Variants in TAFA2 observed in about 807,000 individuals in gnomAD.
TAFA2 encodes chemokine-like protein TAFA-2.
A neutral mutation model predicts 18.8 loss-of-function variants in TAFA2; 7 were observed. That is an observed-to-expected ratio of 0.37 (90% CI 0.21 to 0.70). The LOEUF is 0.70. Among genes scored for constraint, TAFA2 ranks in the 30% least tolerant of loss-of-function variants. The pLI is 0.53. For synonymous variants in TAFA2, 60 were observed against 54.2 expected, an observed-to-expected ratio of 1.11 and a Z score of -0.47; for missense variants, 122 against 158.1, an observed-to-expected ratio of 0.77 and a Z score of 1.23.
At chr12:62,078,681 TTAGC>T (rs1868274907) in intron 1 of TAFA2, among the ~76,000 whole-genome samples, 1 of 152,232 alleles carries the variant, frequency 6.6e-6, no homozygotes, top group East Asian at 1.9e-4. Flanking sequence ...TGACAAGAGC[TTAGC>T]CCTTTGGGGA....
intron 1 of TAFA2, among the ~76,000 whole-genome samples, chr12:61,898,917 G>A (rs907632128): frequency 6.6e-6 from 1 of 151,270 alleles, no homozygotes; most frequent in Non-Finnish European, 1.5e-5. Flanking sequence ...TTTTCCAAAC[G>A]TTTTATGCTC....
chr12:61,849,107 G>A (rs1367127001), intron 2 of TAFA2, among the ~76,000 whole-genome samples: 1 of 152,142 alleles, frequency 6.6e-6, no homozygotes, highest in South Asian at 2.1e-4. Flanking sequence ...GCCTTCCAGA[G>A]TGCTGGAATT....
chr12:61,989,779 T>G (rs1565707366), intron 1 of TAFA2, among the ~76,000 whole-genome samples: 1 of 152,114 alleles, frequency 6.6e-6, no homozygotes, highest in African/African-American at 2.4e-5. Flanking sequence ...CTAAAATAAA[T>G]AGAGAGAGGG....
rs199888245 is a variant in TAFA2 at position 61,778,726 on chromosome 12, T to C, written c.107-23702A>G. On this transcript the variant is annotated intron_variant, in intron 2 of 4. Coordinates refer to ENST00000416284, the MANE Select transcript of TAFA2 (RefSeq NM_178539.5). ...GTTTGAGCTCCGGCTCTCTCACTTA[T>C]TAGCTGTGCTCTTGAACAAATTATG... 2.3e-4 allele frequency among the ~76,000 whole-genome samples: 35 copies of C among 152,030 alleles called. No homozygotes were observed. In the East Asian group the frequency reaches 6.8e-3, roughly 30 times the overall value.
At chr12:61,965,709 A>G (rs1392872602) in intron 1 of TAFA2, among the ~76,000 whole-genome samples, 1 of 151,908 alleles carries the variant, frequency 6.6e-6, no homozygotes, top group Admixed American at 6.6e-5. Flanking sequence ...GTACTTTGAC[A>G]ATATCACATA....
At chr12:62,018,802 A>C (rs1565717889) in intron 1 of TAFA2, among the ~76,000 whole-genome samples, 1 of 152,238 alleles carries the variant, frequency 6.6e-6, no homozygotes, top group Non-Finnish European at 1.5e-5. Context: ...AGCAATGGCA[A>C]CAAAAGCCAA....
At chr12:61,751,824 T>C (rs1218113324) in intron 4 of TAFA2, among the ~76,000 whole-genome samples, 4 of 152,006 alleles carry the variant, frequency 2.6e-5, no homozygotes, top group African/African-American at 9.7e-5. Context: ...ATTGAGAATA[T>C]GGTCAACAGG....
At chr12:61,759,934 A>G (rs1471205603) in intron 2 of TAFA2, among the ~76,000 whole-genome samples, 2 of 152,032 alleles carry the variant, frequency 1.3e-5, no homozygotes, top group African/African-American at 4.8e-5. Flanking sequence ...AATGATGATC[A>G]CAGGGCACAA....
chr12:62,076,679 G>C (rs114411627), intron 1 of TAFA2, among the ~76,000 whole-genome samples: 1,860 of 152,264 alleles, frequency 0.012, 49 homozygotes, highest in African/African-American at 0.043. Flanking sequence ...CCCCCAAACA[G>C]AAGGGAATAA....
chr12:61,850,421 T>C (rs1873594333), intron 2 of TAFA2, among the ~76,000 whole-genome samples: 1 of 151,978 alleles, frequency 6.6e-6, no homozygotes, highest in Admixed American at 6.6e-5. Context: ...TATGGAATGC[T>C]TGTTATCTGT....
intron 2 of TAFA2, among the ~76,000 whole-genome samples, chr12:61,831,636 G>A (rs1051790516): frequency 2.6e-5 from 4 of 152,002 alleles, no homozygotes; most frequent in Non-Finnish European, 5.9e-5. Context: ...CCCCCAAATT[G>A]TGTGCCTTGT....
At chr12:62,104,730 C>A (rs1196902247) in intron 1 of TAFA2, 1 of 455,292 alleles carries the variant, frequency 2.2e-6, no homozygotes, top group African/African-American at 2.0e-5. Flanking sequence ...ATGCACGCTT[C>A]ATCCTAAATT....
intron 1 of TAFA2, chr12:62,235,388 TC>T: frequency 1.5e-6 from 1 of 647,490 alleles, no homozygotes; most frequent in Non-Finnish European, 2.8e-6. Flanking sequence ...CTCCGGAGCT[TC>T]CAGAAGATGA....
At chr12:61,931,282 T>C (rs1233672139) in intron 1 of TAFA2, among the ~76,000 whole-genome samples, 3 of 152,202 alleles carry the variant, frequency 2.0e-5, no homozygotes, top group Non-Finnish European at 4.4e-5. Context: ...AACCTCATGC[T>C]GTATGCTTAT....
At chr12:61,722,916 C>G (rs1031957956) in intron 4 of TAFA2, among the ~76,000 whole-genome samples, 15 of 152,102 alleles carry the variant, frequency 9.9e-5, no homozygotes, top group Admixed American at 7.9e-4. Flanking sequence ...ATAATACTAT[C>G]CTATTACAGG....
At chr12:61,766,042 T>C (rs1222980979) in intron 2 of TAFA2, among the ~76,000 whole-genome samples, 1 of 152,032 alleles carries the variant, frequency 6.6e-6, no homozygotes, top group African/African-American at 2.4e-5. Context: ...GATTTTCCTC[T>C]CTTCCCTACA....
At chr12:62,250,286 G>T (rs1192154789) in intron 1 of TAFA2, among the ~76,000 whole-genome samples, 1 of 152,152 alleles carries the variant, frequency 6.6e-6, no homozygotes, top group Non-Finnish European at 1.5e-5. Flanking sequence ...TACTATAACT[G>T]ATGATAAGTT....
chr12:62,212,875 G>A (rs1484431834), intron 1 of TAFA2, among the ~76,000 whole-genome samples: 1 of 152,136 alleles, frequency 6.6e-6, no homozygotes, highest in Non-Finnish European at 1.5e-5. Context: ...GAATCCAAAA[G>A]ATATAAATGT....
chr12:62,201,830 G>A (rs147307443), intron 1 of TAFA2, among the ~76,000 whole-genome samples: 18 of 152,272 alleles, frequency 1.2e-4, no homozygotes, highest in East Asian at 7.7e-4. Context: ...GTGCCTCTTC[G>A]TACCTCTGGT....
Sources: gnomAD v4.1 joint callset for allele counts (sites outside exome capture counted in the v4.1 genomes callset) on GRCh38, gnomAD v4.1.1 for gene constraint, MANE v1.5 for transcripts, NCBI Gene and HGNC (gene_info 2026-07-23, HGNC 2026-07-21) for gene names.